The following STAG1 variants were observed in gnomAD, a reference collection of about 807,000 sequenced individuals.
The protein encoded by STAG1 is cohesin subunit SA-1.
STAG1 carries 26 observed loss-of-function variants against 170.9 expected under a neutral mutation model. The ratio of observed to expected loss-of-function variants is 0.15; its 90% CI spans 0.11 to 0.21. The LOEUF is 0.21. Among genes scored for constraint, STAG1 ranks in the 10% least tolerant of loss-of-function variants. The probability of loss-of-function intolerance (pLI) is 1.00; values close to 1 mark genes in which losing one functional copy is unlikely to be tolerated. For missense variants in STAG1, 964 were observed against 1,509.5 expected (o/e 0.64, Z 5.99); for synonymous variants, 514 against 497.7 (o/e 1.03, Z -0.44).
intron 3 of STAG1, among the ~76,000 whole-genome samples, chr3:136,608,829 A>G (rs898443170): frequency 6.6e-6 from 1 of 150,734 alleles, no homozygotes; most frequent in Non-Finnish European, 1.5e-5. Flanking sequence ...AGAACTAGAC[A>G]CTATGTTTTG....
chr3:136,417,380 A>T (rs2087805398), intron 21 of STAG1, among the ~76,000 whole-genome samples: 1 of 152,162 alleles, frequency 6.6e-6, no homozygotes, highest in Non-Finnish European at 1.5e-5. Context: ...TAATTATTCT[A>T]CTGAAGTCTC....
chr3:136,550,090 G>T (rs575098349), intron 5 of STAG1, among the ~76,000 whole-genome samples: 3 of 152,116 alleles, frequency 2.0e-5, no homozygotes, highest in South Asian at 4.2e-4. Context: ...TCTTTTCGTG[G>T]TATCTTTTTT....
intron 3 of STAG1, among the ~76,000 whole-genome samples, chr3:136,616,622 A>C (rs1284343432): frequency 6.6e-6 from 1 of 152,148 alleles, no homozygotes; most frequent in Non-Finnish European, 1.5e-5. Context: ...AGAAAATTAT[A>C]AATAGGCTGG....
chr3:136,419,401 A>G (rs2087880423), intron 20 of STAG1, among the ~76,000 whole-genome samples: 1 of 152,086 alleles, frequency 6.6e-6, no homozygotes, highest in Admixed American at 6.5e-5. Flanking sequence ...ATCTCATTAC[A>G]ATGCAAGTGA....
intron 5 of STAG1, among the ~76,000 whole-genome samples, chr3:136,545,818 G>C (rs1029969990): frequency 3.9e-5 from 6 of 152,116 alleles, no homozygotes; most frequent in Non-Finnish European, 8.8e-5. Flanking sequence ...CATCTCCAAT[G>C]ATGAGTCTGT....
chr3:136,357,721 C>T lies in STAG1; in HGVS notation c.3064G>A (p.Val1022Ile), dbSNP rs759945580. The T allele has an allele frequency of 6.3e-7, 1 of 1,592,168 alleles. No individual in the cohort carries two copies. The highest frequency in any genetic ancestry group is 1.2e-5 in the South Asian group (1 of 85,770). Residue 1022 changes from valine (V) to isoleucine (I), a missense_variant and splice_region_variant, in exon 28 of 34, where the codon GTT becomes ATT. By Grantham distance (29) the Val-to-Ile change is conservative. Coordinates refer to ENST00000383202, the MANE Select transcript of STAG1 (RefSeq NM_005862.3). ...SKLLRQDKKTVHSYLEKFLTE... is the reference protein window; with the variant it reads ...SKLLRQDKKTIHSYLEKFLTE... ...CTTCTCTTGTAATGTGCAACTTACA[C>T]TGTCTTTTTGTCCTGTCGAAGAAGT...
At chr3:136,548,158 G>C (rs1408618161) in intron 5 of STAG1, among the ~76,000 whole-genome samples, 1 of 151,156 alleles carries the variant, frequency 6.6e-6, no homozygotes, top group African/African-American at 2.4e-5. Context: ...CTGTCATCCA[G>C]GCTGGAGTGC....
intron 5 of STAG1, among the ~76,000 whole-genome samples, chr3:136,556,954 C>T (rs1474726094): frequency 6.6e-6 from 1 of 151,836 alleles, no homozygotes; most frequent in Non-Finnish European, 1.5e-5. Context: ...ATTTTTTGAC[C>T]AGGAGCAATG....
At chr3:136,572,317 G>A (rs1365411177) in intron 4 of STAG1, among the ~76,000 whole-genome samples, 2 of 152,082 alleles carry the variant, frequency 1.3e-5, no homozygotes, top group Non-Finnish European at 2.9e-5. Context: ...AACAAGGCCA[G>A]GCACTGTGGC....
At chr3:136,751,180 T>G (rs923430267) in intron 1 of STAG1, among the ~76,000 whole-genome samples, 2 of 147,468 alleles carry the variant, frequency 1.4e-5, no homozygotes, top group African/African-American at 2.7e-5. Flanking sequence ...GCGTTTTTTT[T>G]TTTTGTTTTT....
chr3:136,501,974 G>C (rs1241662561), intron 8 of STAG1, among the ~76,000 whole-genome samples: 2 of 152,084 alleles, frequency 1.3e-5, no homozygotes, highest in Non-Finnish European at 2.9e-5. Context: ...CTGAGGTTGG[G>C]AGTTCGAGAC....
chr3:136,520,467 A>G (rs543821087), intron 7 of STAG1, among the ~76,000 whole-genome samples: 1 of 152,308 alleles, frequency 6.6e-6, no homozygotes, highest in East Asian at 1.9e-4. Flanking sequence ...TGAACACTCA[A>G]CAAGTATACA....
intron 22 of STAG1, among the ~76,000 whole-genome samples, chr3:136,392,560 A>G (rs1386736977): frequency 6.6e-6 from 1 of 152,096 alleles, no homozygotes; most frequent in Non-Finnish European, 1.5e-5. Context: ...AGGTCAGCAG[A>G]TCGAGACCAT....
At chr3:136,423,099 C>G in intron 16 of STAG1, 55 bp from the exon 17 acceptor site, 1 of 1,197,634 alleles carries the variant, frequency 8.3e-7, no homozygotes. Flanking sequence ...TAAATCCAAA[C>G]TGTTACATAT....
At chr3:136,405,754 G>A (rs2087462763) in intron 21 of STAG1, among the ~76,000 whole-genome samples, 1 of 122,460 alleles carries the variant, frequency 8.2e-6, no homozygotes, top group Non-Finnish European at 1.6e-5. Flanking sequence ...TTGTGCCACT[G>A]CGCTCCAGCC....
chr3:136,490,350 T>C lies in STAG1; in HGVS notation c.902+9873A>G, dbSNP rs115484201. On this transcript the variant is annotated intron_variant, in intron 9 of 33. Transcript: ENST00000383202. ...ACTGCTAAGAGTTATTTTAGATGTATTGAAAATGTGGCAAGTTTATAAAAC... is the reference window on the plus strand; with the variant it reads ...ACTGCTAAGAGTTATTTTAGATGTACTGAAAATGTGGCAAGTTTATAAAAC... 6.6e-3 allele frequency among the ~76,000 whole-genome samples: 1,009 copies of C among 152,306 alleles called. 10 individuals carry two copies. Among genetic ancestry groups the C allele is most frequent in the African/African-American group, 0.023 (975 of 41,570 alleles).
At chr3:136,396,885 T>C (rs1384013192) in intron 22 of STAG1, among the ~76,000 whole-genome samples, 1 of 152,186 alleles carries the variant, frequency 6.6e-6, no homozygotes, top group Non-Finnish European at 1.5e-5. Context: ...ATTTTTGTTT[T>C]TCAAGACTGA....
At chr3:136,466,658 C>T (rs1349897635) in intron 12 of STAG1, among the ~76,000 whole-genome samples, 2 of 152,074 alleles carry the variant, frequency 1.3e-5, no homozygotes, top group Admixed American at 6.5e-5. Context: ...GAGAACGCCA[C>T]AAAGATACTC....
chr3:136,603,376 T>A (rs1052488254), intron 4 of STAG1, among the ~76,000 whole-genome samples: 1 of 150,960 alleles, frequency 6.6e-6, no homozygotes, highest in Admixed American at 6.7e-5. Flanking sequence ...TTTCACAATT[T>A]AAAAATATCC....
Sources: allele counts gnomAD v4.1 joint callset (sites outside exome capture counted in the v4.1 genomes callset), GRCh38; gene constraint gnomAD v4.1.1; transcripts MANE v1.5; gene names NCBI Gene and HGNC (gene_info 2026-07-23, HGNC 2026-07-21).